The following ZNF407 variants were observed in gnomAD, a reference collection of about 807,000 sequenced individuals.
ZNF407 encodes the protein zinc finger protein 407.
Under a neutral mutation model 131.2 loss-of-function variants are expected in ZNF407, and 17 were observed. The observed-to-expected ratio is 0.13, with a 90% CI of 0.09 to 0.19. ZNF407 has a LOEUF of 0.19. Ranked by LOEUF, ZNF407 falls within the 10% of genes least tolerant of loss-of-function variation. The probability of loss-of-function intolerance (pLI) is 1.00; values close to 1 mark genes in which losing one functional copy is unlikely to be tolerated. For missense variants in ZNF407, 2,681 were observed against 2,830.6 expected, an observed-to-expected ratio of 0.95 and a Z score of 1.20; for synonymous variants, 1,156 against 1,062.0, an observed-to-expected ratio of 1.09 and a Z score of -1.72.
rs375832705 is a variant in ZNF407 at position 74,912,730 on chromosome 18, G to A, written c.5250-7784G>A. ...AATAAGGAAGCCATAGAACAACAGAGCAAAATTATCAACATTTGCTTTCAC... is the reference window on the plus strand; with the variant it reads ...AATAAGGAAGCCATAGAACAACAGAACAAAATTATCAACATTTGCTTTCAC... On this transcript the variant is annotated intron_variant, in intron 7 of 8. Transcript: ENST00000299687. Among the ~76,000 whole-genome samples the A allele has an allele frequency of 4.6e-5, 7 of 152,098 alleles. No homozygotes were observed. The East Asian group carries it at 1.2e-3, about 25-fold the overall frequency.
At chr18:74,984,213 C>T (rs1304825435) in intron 8 of ZNF407, among the ~76,000 whole-genome samples, 1 of 152,128 alleles carries the variant, frequency 6.6e-6, no homozygotes, top group Non-Finnish European at 1.5e-5. Flanking sequence ...CCACTCCCAG[C>T]GAGCCTCGCC....
At chr18:74,767,649 CTTTTTTTT>C (rs71905017) in intron 3 of ZNF407, among the ~76,000 whole-genome samples, 20 of 84,408 alleles carry the variant, frequency 2.4e-4, no homozygotes, top group Non-Finnish European at 3.1e-4. Flanking sequence ...TCTGAATTCT[CTTTTTTTT>C]TTTTTTTTTT....
At chr18:74,824,537 A>G (rs1333705803) in intron 4 of ZNF407, among the ~76,000 whole-genome samples, 3 of 152,198 alleles carry the variant, frequency 2.0e-5, no homozygotes, top group Non-Finnish European at 2.9e-5. Flanking sequence ...GGATATCACC[A>G]CCAATCCCAC....
At chr18:74,616,786 C>G (rs1983307153) in intron 1 of ZNF407, among the ~76,000 whole-genome samples, 3 of 148,998 alleles carry the variant, frequency 2.0e-5, no homozygotes, top group Admixed American at 1.3e-4. Flanking sequence ...ACATCCATAT[C>G]CACGCACCAT....
chr18:74,616,543 CT>C lies in ZNF407; in HGVS notation c.-53-14423del, dbSNP rs1416073595. 5.3e-5 allele frequency among the ~76,000 whole-genome samples: 8 copies of C among 151,954 alleles called. No homozygotes were observed. The East Asian group carries it at 1.2e-3, about 22-fold the overall frequency. ...CAAAACCAGCCCACTCCCTCCACCC[CT>C]GTACCCGCATTCTGATTGTTGTTTT... On this transcript the variant is annotated intron_variant, in intron 1 of 8. Coordinates refer to ENST00000299687, the MANE Select transcript of ZNF407 (RefSeq NM_017757.3).
At chr18:75,039,519 C>T (rs1297440652) in intron 8 of ZNF407, among the ~76,000 whole-genome samples, 2 of 152,170 alleles carry the variant, frequency 1.3e-5, no homozygotes, top group Non-Finnish European at 2.9e-5. Context: ...GAAATTCAGA[C>T]AGGACCTTGG....
At position 74,663,305 on chromosome 18, in the gene ZNF407, C is replaced by A. The variant is rs80079012; in HGVS notation, c.4802+22183C>A. Among the ~76,000 whole-genome samples the A allele has an allele frequency of 7.2e-4, 110 of 152,198 alleles. 1 individual carries two copies. In the East Asian group the frequency reaches 0.02, roughly 28 times the overall value. On this transcript the variant is annotated intron_variant, in intron 3 of 8. Coordinates refer to ENST00000299687, the MANE Select transcript of ZNF407 (RefSeq NM_017757.3). ...ACACTTCTGTATTGAAAGTTACCTA[C>A]AGTAGTGGTTTCATTTTTTAGTAAA...
intron 3 of ZNF407, among the ~76,000 whole-genome samples, chr18:74,753,405 T>C (rs1048610300): frequency 2.0e-5 from 3 of 152,018 alleles, no homozygotes; most frequent in Non-Finnish European, 4.4e-5. Context: ...TGAATAGGAG[T>C]GGTGAGAGAG....
At chr18:74,879,466 T>C (rs2145183361) in intron 5 of ZNF407, among the ~76,000 whole-genome samples, 1 of 152,300 alleles carries the variant, frequency 6.6e-6, no homozygotes, top group South Asian at 2.1e-4. Context: ...GAAAACTGTG[T>C]TAATATTAAC....
intron 8 of ZNF407, among the ~76,000 whole-genome samples, chr18:74,964,747 A>C (rs1474859548): frequency 6.6e-6 from 1 of 152,104 alleles, no homozygotes; most frequent in Non-Finnish European, 1.5e-5. Flanking sequence ...GAATGTTAAT[A>C]TTTTCTTGCT....
At chr18:74,864,952 A>C (rs1407181621) in intron 4 of ZNF407, among the ~76,000 whole-genome samples, 1 of 152,226 alleles carries the variant, frequency 6.6e-6, no homozygotes, top group Non-Finnish European at 1.5e-5. Flanking sequence ...ACTCACTGCT[A>C]AGAGAAGATT....
chr18:74,992,166 G>A (rs75996533), intron 8 of ZNF407, among the ~76,000 whole-genome samples: 11 of 152,346 alleles, frequency 7.2e-5, no homozygotes, highest in Non-Finnish European at 1.5e-4. Flanking sequence ...TGAGCAAAAC[G>A]AGGAGTCTTG....
At position 74,633,279 on chromosome 18, in the gene ZNF407, A is replaced by C. The variant is rs1984231218; in HGVS notation, c.2260A>C (p.Lys754Gln). 2 of 1,612,274 alleles carry C rather than the reference A, an allele frequency of 1.2e-6. No homozygotes were observed. Among genetic ancestry groups the C allele is most frequent in the Admixed American group, 3.4e-5 (2 of 59,640 alleles). Residue 754 changes from lysine (K) to glutamine (Q), a missense_variant, in exon 2 of 9, where the codon AAA becomes CAA. Around this residue, in one of 6 missense-constraint regions of ZNF407, gnomAD observed 1,789 missense variants for 1,748.7 expected, o/e 1.02. Transcript: ENST00000299687. ...LSKEGMEKHI[K>Q]RSKHLENAKK... ...CAAAGAAGGAATGGAGAAACACATTAAAAGAAGCAAGCATCTTGAAAATGC... is the reference window on the plus strand; with the variant it reads ...CAAAGAAGGAATGGAGAAACACATTCAAAGAAGCAAGCATCTTGAAAATGC...
intron 3 of ZNF407, among the ~76,000 whole-genome samples, chr18:74,677,935 C>T (rs1162078545): frequency 6.6e-6 from 1 of 152,126 alleles, no homozygotes; most frequent in African/African-American, 2.4e-5. Flanking sequence ...ATCCTTATGC[C>T]TCAGCCTCCC....
chr18:74,873,065 C>T (rs1189329260), intron 4 of ZNF407, among the ~76,000 whole-genome samples: 4 of 152,044 alleles, frequency 2.6e-5, no homozygotes, highest in South Asian at 2.1e-4. Context: ...TATATTTTGA[C>T]ATAACTTGTC....
intron 3 of ZNF407, among the ~76,000 whole-genome samples, chr18:74,751,331 G>A (rs562891518): frequency 9.2e-5 from 14 of 152,022 alleles, no homozygotes; most frequent in Admixed American, 6.6e-4. Context: ...GGCTACGCAC[G>A]TCTCAATACC....
chr18:74,771,493 G>A (rs1969358970), intron 3 of ZNF407, among the ~76,000 whole-genome samples: 1 of 151,834 alleles, frequency 6.6e-6, no homozygotes, highest in Non-Finnish European at 1.5e-5. Flanking sequence ...ACATATTTAG[G>A]ATGTTAGATA....
At chr18:75,005,527 A>T in intron 8 of ZNF407, among the ~76,000 whole-genome samples, 1 of 152,046 alleles carries the variant, frequency 6.6e-6, no homozygotes, top group East Asian at 1.9e-4. Context: ...ATTCATTTCT[A>T]TTGAGATTGA....
chr18:74,906,867 G>A (rs1336629847), intron 7 of ZNF407, among the ~76,000 whole-genome samples: 1 of 152,136 alleles, frequency 6.6e-6, no homozygotes, highest in Non-Finnish European at 1.5e-5. Context: ...ATGTGTGTAT[G>A]TGTATATGTG....
Sources: allele counts gnomAD v4.1 joint callset (sites outside exome capture counted in the v4.1 genomes callset), GRCh38; gene constraint gnomAD v4.1.1; regional missense constraint gnomAD v4.1.1; transcripts MANE v1.5; gene names NCBI Gene and HGNC (gene_info 2026-07-23, HGNC 2026-07-21).